Variants in SYNE3 observed in about 807,000 individuals in gnomAD.
SYNE3 encodes the protein nesprin-3.
SYNE3 carries 100 observed loss-of-function variants against 111.2 expected under a neutral mutation model. That is an observed-to-expected ratio of 0.90 (90% CI 0.77 to 1.06). The LOEUF is 1.06. Among genes scored for constraint, SYNE3 ranks in the 50% least tolerant of loss-of-function variants. The pLI, the probability that SYNE3 is intolerant of heterozygous loss-of-function variation, is 0.00. For missense variants in SYNE3, 1,160 were observed against 1,240.3 expected (o/e 0.94, Z 0.97); for synonymous variants, 547 against 533.9 (o/e 1.02, Z -0.34).
intron 8 of SYNE3, among the ~76,000 whole-genome samples, chr14:95,448,350 C>T (rs1034677235): frequency 4.6e-5 from 5 of 108,406 alleles, no homozygotes; most frequent in Non-Finnish European, 1.1e-4. Context: ...GGAGAAGGGG[C>T]CCACTGGACC....
At chr14:95,445,350 T>C (rs1186806080) in intron 9 of SYNE3, among the ~76,000 whole-genome samples, 1 of 152,246 alleles carries the variant, frequency 6.6e-6, no homozygotes, top group Non-Finnish European at 1.5e-5. Context: ...TGCTCTTATG[T>C]GGATTAGATA....
At position 95,409,167 on chromosome 14, in the gene SYNE3, C is replaced by T. The variant is rs549403133; in HGVS notation, c.*8659G>A. ...ATTCCATAGAGTGGAGCACTGGGCT[C>T]GGAGCCAGTCATGCCTGGGTACAAG... On this transcript the variant is annotated 3_prime_UTR_variant, in exon 18 of 18. Transcript: ENST00000682763. 17 of 456,758 alleles carry T rather than the reference C, an allele frequency of 3.7e-5. No individual in the cohort carries two copies. In the East Asian group the frequency reaches 9.0e-4, roughly 24 times the overall value. 28.3% of individuals were successfully genotyped at this position (456,758 alleles called of 1,614,324 possible).
intron 17 of SYNE3, among the ~76,000 whole-genome samples, chr14:95,424,886 A>G (rs1332461948): frequency 6.6e-6 from 1 of 152,222 alleles, no homozygotes. Flanking sequence ...AAAAAAATCT[A>G]CCAGTAAGAC....
Position 95,410,453 on chromosome 14 carries a change from T to A in SYNE3, c.*7373A>T, listed in dbSNP as rs1903404800. The A allele has an allele frequency of 6.6e-6, 1 of 152,052 alleles. No individual in the cohort carries two copies. The highest frequency in any genetic ancestry group is 2.4e-5 in the African/African-American group (1 of 41,370). The allele number at this position is 152,052 out of a possible 1,614,324, so 9.4% of individuals were successfully genotyped here. A position where few individuals can be genotyped will look rare whatever the true frequency, so the allele number is the denominator to read the frequency against. ...AAACATGTGACACAGTCCTGGCCAA[T>A]GAGATGAGAACGGAAGTGGCTGGTG... On this transcript the variant is annotated 3_prime_UTR_variant, in exon 18 of 18. Transcript: ENST00000682763.
chr14:95,432,161 G>A (rs1160307771), intron 16 of SYNE3, 44 bp from the exon 17 acceptor site: 14 of 1,586,554 alleles, frequency 8.8e-6, no homozygotes, highest in Non-Finnish European at 1.2e-5. Context: ...AAAAAAATAA[G>A]TTAAGTGAGT....
At position 95,414,264 on chromosome 14, in the gene SYNE3, C is replaced by G. The variant is rs1903507055; in HGVS notation, c.*3562G>C. The stretch of plus-strand genomic sequence containing the variant: ...TCAGCATGAGCAAGGGTCTTTATAT[C>G]TTTAAGCCTCAGGGTTCCATCTCAA... On this transcript the variant is annotated 3_prime_UTR_variant, in exon 18 of 18. Coordinates refer to ENST00000682763, the MANE Select transcript of SYNE3 (RefSeq NM_152592.6). The G allele has an allele frequency of 6.6e-6, 1 of 152,214 alleles. No homozygotes were observed. The highest frequency in any genetic ancestry group is 1.5e-5 in the Non-Finnish European group (1 of 68,036). The allele number at this position is 152,214 out of a possible 1,614,324, so 9.4% of individuals were successfully genotyped here. A position where few individuals can be genotyped will look rare whatever the true frequency, so the allele number is the denominator to read the frequency against.
intron 17 of SYNE3, among the ~76,000 whole-genome samples, chr14:95,418,227 T>G (rs1884863037): frequency 6.6e-6 from 1 of 152,206 alleles, no homozygotes; most frequent in Non-Finnish European, 1.5e-5. Flanking sequence ...TCCCAAAGCA[T>G]TCAAGGCATG....
chr14:95,481,956 T>G (rs1889284943), intron 1 of SYNE3, among the ~76,000 whole-genome samples: 1 of 152,210 alleles, frequency 6.6e-6, no homozygotes, highest in South Asian at 2.1e-4. Flanking sequence ...GAGGGCCCTG[T>G]GTCCTGGGGT....
At chr14:95,499,856 C>CTTTTTTTT (rs10547044) in intron 1 of SYNE3, among the ~76,000 whole-genome samples, 923 of 89,980 alleles carry the variant, frequency 0.01, 40 homozygotes, top group East Asian at 0.016. Context: ...TAACTCTTGT[C>CTTTTTTTT]TTTTTTTTTT....
chr14:95,467,725 G>T (rs1014295436), intron 3 of SYNE3, 70 bp downstream of exon 3: 2 of 1,577,640 alleles, frequency 1.3e-6, no homozygotes, highest in Non-Finnish European at 1.7e-6. Context: ...TGGGCAGAGG[G>T]CCCAAGCTAG....
At chr14:95,506,015 G>T (rs1288267937) in intron 1 of SYNE3, among the ~76,000 whole-genome samples, 1 of 152,156 alleles carries the variant, frequency 6.6e-6, no homozygotes, top group Non-Finnish European at 1.5e-5. Context: ...CCAGGGTGGA[G>T]CCCAGGTGGT....
chr14:95,502,172 T>C (rs1324594447), intron 1 of SYNE3, among the ~76,000 whole-genome samples: 2 of 152,268 alleles, frequency 1.3e-5, no homozygotes, highest in East Asian at 1.9e-4. Flanking sequence ...GGAAACCTCT[T>C]AGTCTTGGGC....
In SYNE3 at chr14:95,439,150, G is replaced by C. The variant is rs781099784; in HGVS notation, c.2259C>G (p.Asn753Lys). The change falls in exon 14 of 18, where the codon AAC (asparagine) becomes AAG (lysine). Residue 753 changes from asparagine to lysine, a missense_variant. Physicochemically the swap from Asn to Lys is moderately conservative, Grantham distance 94 (BLOSUM62 0). Coordinates refer to ENST00000682763, the MANE Select transcript of SYNE3 (RefSeq NM_152592.6). Reference protein sequence around the residue: ...LEESLLSLIRNWHLQRMEVDS... With the variant: ...LEESLLSLIRKWHLQRMEVDS... ...CCACTTCCATCCTCTGCAGATGCCAGTTTCTGATGAGGCTGAGAAGACAAA... is the reference window on the plus strand; with the variant it reads ...CCACTTCCATCCTCTGCAGATGCCACTTTCTGATGAGGCTGAGAAGACAAA... The C allele has an allele frequency of 1.2e-6, 2 of 1,614,260 alleles. No individual in the cohort carries two copies. Among genetic ancestry groups the C allele is most frequent in the Non-Finnish European group, 1.7e-6 (2 of 1,180,044 alleles).
intron 1 of SYNE3, among the ~76,000 whole-genome samples, chr14:95,490,622 G>A (rs1186504909): frequency 6.6e-6 from 1 of 152,240 alleles, no homozygotes. Flanking sequence ...GCAAGCCCCT[G>A]GTCAGCATGC....
At chr14:95,444,437 CA>C in intron 10 of SYNE3, 47 bp downstream of exon 10, 1 of 1,540,722 alleles carries the variant, frequency 6.5e-7, no homozygotes, top group Non-Finnish European at 8.8e-7. Context: ...CTTCCAGGTG[CA>C]GCTGAGCACC....
At chr14:95,457,115 T>C (rs1887497192) in intron 5 of SYNE3, 62 bp downstream of exon 5, 3 of 1,472,458 alleles carry the variant, frequency 2.0e-6, no homozygotes, top group Non-Finnish European at 2.7e-6. Context: ...AACTATGACA[T>C]AGAACCCACC....
chr14:95,457,423 T>G, intron 4 of SYNE3, 85 bp from the exon 5 acceptor site: 5 of 1,039,172 alleles, frequency 4.8e-6, no homozygotes, highest in South Asian at 4.1e-5. Flanking sequence ...TGCCTGGGTG[T>G]GTGTGTGTGT....
chr14:95,503,610 CTTTTTTTTTT>C (rs386382233), intron 1 of SYNE3, among the ~76,000 whole-genome samples: 5 of 91,886 alleles, frequency 5.4e-5, no homozygotes, highest in Non-Finnish European at 6.3e-5. Context: ...TCAGAACTAC[CTTTTTTTTTT>C]TTTTTTTTTT....
At position 95,411,391 on chromosome 14, in the gene SYNE3, A is replaced by T. The variant is rs1903432067; in HGVS notation, c.*6435T>A. The T allele has an allele frequency of 1.3e-5, 2 of 152,060 alleles. No homozygotes were observed. Among genetic ancestry groups the T allele is most frequent in the Admixed American group, 6.5e-5 (1 of 15,274 alleles). 9.4% of individuals were successfully genotyped at this position (152,060 alleles called of 1,614,324 possible). A position where few individuals can be genotyped will look rare whatever the true frequency, so the allele number is the denominator to read the frequency against. Reference sequence around the variant, plus strand: ...TTTCTGAGAGGGCTGGTACAGGTGTAAGGATGTCAAACAGGTTTTGCTCAC... The same window carrying T: ...TTTCTGAGAGGGCTGGTACAGGTGTTAGGATGTCAAACAGGTTTTGCTCAC... On this transcript the variant is annotated 3_prime_UTR_variant, in exon 18 of 18. Transcript: ENST00000682763.
Sources: gnomAD v4.1 joint callset for allele counts (sites outside exome capture counted in the v4.1 genomes callset) on GRCh38, gnomAD v4.1.1 for gene constraint, MANE v1.5 for transcripts, NCBI Gene and HGNC (gene_info 2026-07-23, HGNC 2026-07-21) for gene names.